Variants in CELF4 observed in about 807,000 individuals in gnomAD.
The protein encoded by CELF4 is CUG-BP- and ETR-3-like factor 4.
CELF4 carries 18 observed loss-of-function variants against 59.9 expected under a neutral mutation model. That is an observed-to-expected ratio of 0.30 (90% confidence interval 0.21 to 0.45). The LOEUF (loss-of-function observed/expected upper bound fraction) is 0.45. CELF4 is among the 20% of genes least tolerant of loss of function. The probability of loss-of-function intolerance (pLI) is 1.00; values close to 1 mark genes in which losing one functional copy is unlikely to be tolerated. For missense variants in CELF4, 456 were observed against 689.0 expected, an observed-to-expected ratio of 0.66 and a Z score of 3.79; for synonymous variants, 261 against 267.1, an observed-to-expected ratio of 0.98 and a Z score of 0.22.
At position 37,253,091 on chromosome 18, in the gene CELF4, C is replaced by G. The variant is rs1445526958; in HGVS notation, c.*44+676G>C. On this transcript the variant is annotated intron_variant, in intron 12 of 12. Transcript: ENST00000420428. This position sits in a 1 kb window ranked among gnomAD's most constrained non-coding sequence, Gnocchi z 4.5. ...GAGGCGTGGCTGACTGTGTCTTCAGCTCCTAGGCAGGACCCAGCCCAGCAG... is the reference window on the plus strand; with the variant it reads ...GAGGCGTGGCTGACTGTGTCTTCAGGTCCTAGGCAGGACCCAGCCCAGCAG... Among the ~76,000 whole-genome samples, 1 of 152,154 alleles carries G rather than the reference C, an allele frequency of 6.6e-6. No homozygotes were observed. Among genetic ancestry groups the G allele is most frequent in the Non-Finnish European group, 1.5e-5 (1 of 68,038 alleles).
chr18:37,324,808 C>T (rs1310817180), intron 2 of CELF4, among the ~76,000 whole-genome samples: 1 of 152,184 alleles, frequency 6.6e-6, no homozygotes, highest in Non-Finnish European at 1.5e-5. Context: ...ACAACTTCTC[C>T]TGTGATGTAT....
chr18:37,428,543 C>T (rs2099628502), intron 2 of CELF4, among the ~76,000 whole-genome samples: 1 of 152,134 alleles, frequency 6.6e-6, no homozygotes, highest in Non-Finnish European at 1.5e-5. Context: ...ACTCACACAT[C>T]CAAAGGGGCT....
intron 2 of CELF4, among the ~76,000 whole-genome samples, chr18:37,412,340 G>C (rs1278157821): frequency 6.6e-6 from 1 of 152,220 alleles, no homozygotes; most frequent in Non-Finnish European, 1.5e-5. Flanking sequence ...CCCAATAAGA[G>C]TGGAGATTCC....
chr18:37,462,356 C>T (rs2099795973), intron 2 of CELF4, among the ~76,000 whole-genome samples: 1 of 152,234 alleles, frequency 6.6e-6, no homozygotes, highest in Non-Finnish European at 1.5e-5. Flanking sequence ...ATTGGTGACT[C>T]CTGGTGCCAC....
At chr18:37,339,886 C>T (rs993048292) in intron 2 of CELF4, among the ~76,000 whole-genome samples, 1 of 152,050 alleles carries the variant, frequency 6.6e-6, no homozygotes, top group Non-Finnish European at 1.5e-5. Flanking sequence ...AGAGGGTAGG[C>T]GCTGAACTTC....
At chr18:37,517,683 C>T (rs1455684878) in intron 1 of CELF4, among the ~76,000 whole-genome samples, 1 of 152,154 alleles carries the variant, frequency 6.6e-6, no homozygotes, top group Non-Finnish European at 1.5e-5. Flanking sequence ...TTGTCTCCTT[C>T]ACTGTCAAGT....
chr18:37,331,172 C>G (rs1423555704), intron 2 of CELF4, among the ~76,000 whole-genome samples: 1 of 152,166 alleles, frequency 6.6e-6, no homozygotes, highest in South Asian at 2.1e-4. Flanking sequence ...GCTGGCTGTC[C>G]CTTCTTCCCC....
At chr18:37,438,906 G>A (rs571647672) in intron 2 of CELF4, among the ~76,000 whole-genome samples, 2 of 152,264 alleles carry the variant, frequency 1.3e-5, no homozygotes, top group East Asian at 3.9e-4. Context: ...TTAGGATTAG[G>A]TAAGTGTTTT....
intron 3 of CELF4, among the ~76,000 whole-genome samples, chr18:37,304,221 C>T (rs1170259690): frequency 1.3e-5 from 2 of 152,202 alleles, no homozygotes; most frequent in African/African-American, 2.4e-5. Flanking sequence ...GGAAGCATCG[C>T]CCACACAGAT....
intron 1 of CELF4, among the ~76,000 whole-genome samples, chr18:37,548,657 A>C (rs962480425): frequency 6.6e-6 from 1 of 152,098 alleles, no homozygotes; most frequent in Non-Finnish European, 1.5e-5. Flanking sequence ...TAACTTTTGC[A>C]CCGTGTTTTC....
chr18:37,312,110 C>CAAAAAAAAAAAAAAAA (rs59872500), intron 3 of CELF4, among the ~76,000 whole-genome samples: 12 of 50,750 alleles, frequency 2.4e-4, no homozygotes, highest in African/African-American at 6.5e-4. Context: ...GATTCCGTCT[C>CAAAAAAAAAAAAAAAA]AAAAAAAAAA....
intron 2 of CELF4, among the ~76,000 whole-genome samples, chr18:37,333,022 C>T (rs941264158): frequency 1.3e-5 from 2 of 152,316 alleles, no homozygotes; most frequent in African/African-American, 2.4e-5. Flanking sequence ...TCGGCTGGGT[C>T]GCTAACCCTC....
At chr18:37,369,249 G>C (rs1424681781) in intron 2 of CELF4, among the ~76,000 whole-genome samples, 1 of 152,164 alleles carries the variant, frequency 6.6e-6, no homozygotes, top group African/African-American at 2.4e-5. Context: ...GTGTATGGTG[G>C]GGGGGTGGGC....
chr18:37,414,238 CTAT>C (rs1569569165), intron 2 of CELF4, among the ~76,000 whole-genome samples: 112 of 141,388 alleles, frequency 7.9e-4, no homozygotes, highest in African/African-American at 2.6e-3. Flanking sequence ...ATCTATCTAT[CTAT>C]CTATCCATCC....
rs539497677 is a variant in CELF4 at position 37,442,570 on chromosome 18, G to A, written c.369+42955C>T. On this transcript the variant is annotated intron_variant, in intron 2 of 12. Coordinates refer to ENST00000420428, the MANE Select transcript of CELF4 (RefSeq NM_020180.4). ...ACAGTGCATGCTACTGCTGAAGGGG[G>A]CTTGGCCCAAACAGCACAGCGAGCC... Among the ~76,000 whole-genome samples the A allele has an allele frequency of 2.6e-5, 4 of 152,318 alleles. No homozygotes were observed. The East Asian group carries it at 7.7e-4, about 29-fold the overall frequency.
At position 37,565,775 on chromosome 18, in the gene CELF4, T is replaced by C. The variant is rs2099988017; in HGVS notation, c.-134A>G. ...CCCCCTCGGTTTCTCTACACCTCGC[T>C]CTCCGCTCGCTCTCTGCTCTCTCTC... On this transcript the variant is annotated 5_prime_UTR_variant, in exon 1 of 13. Transcript: ENST00000420428. The C allele has an allele frequency of 4.9e-6, 3 of 611,806 alleles. No individual in the cohort carries two copies. Among genetic ancestry groups the C allele is most frequent in the South Asian group, 5.7e-5 (2 of 35,066 alleles). 37.9% of individuals were successfully genotyped at this position (611,806 alleles called of 1,614,324 possible).
intron 2 of CELF4, among the ~76,000 whole-genome samples, chr18:37,331,345 C>T (rs1051133972): frequency 1.8e-4 from 28 of 152,178 alleles, no homozygotes; most frequent in Non-Finnish European, 2.9e-4. Context: ...TCCAGCAAGC[C>T]TTCTGTGATT....
At chr18:37,487,578 C>T (rs547869978) in intron 1 of CELF4, among the ~76,000 whole-genome samples, 1 of 152,290 alleles carries the variant, frequency 6.6e-6, no homozygotes, top group East Asian at 1.9e-4. Context: ...GTCAGAGGCC[C>T]CCGTGACGTC....
chr18:37,559,773 G>A (rs1282735142), intron 1 of CELF4, among the ~76,000 whole-genome samples: 1 of 152,138 alleles, frequency 6.6e-6, no homozygotes, highest in Non-Finnish European at 1.5e-5. Context: ...TCCTGATATA[G>A]ATGCTGTAAT....
Sources: gnomAD v4.1 joint callset for allele counts (sites outside exome capture counted in the v4.1 genomes callset) on GRCh38, gnomAD v4.1.1 for gene constraint, Gnocchi (gnomAD v3.1) non-coding constraint, MANE v1.5 for transcripts, NCBI Gene and HGNC (gene_info 2026-07-23, HGNC 2026-07-21) for gene names.